TENM2: variants seen among roughly 807,000 people sequenced by gnomAD.
TENM2 encodes the protein teneurin transmembrane protein 2, also known as teneurin-2.
A neutral mutation model predicts 245.2 loss-of-function variants in TENM2; 52 were observed. The observed-to-expected ratio is 0.21, with a 90% confidence interval of 0.17 to 0.27. The LOEUF is 0.27. TENM2 is among the 10% of genes least tolerant of loss of function. TENM2 has a pLI of 1.00. For synonymous variants in TENM2, 1,363 were observed against 1,438.9 expected, an observed-to-expected ratio of 0.95 and a Z score of 1.19; for missense variants, 3,046 against 3,666.8, an observed-to-expected ratio of 0.83 and a Z score of 4.37.
intron 1 of TENM2, among the ~76,000 whole-genome samples, chr5:167,366,712 C>G (rs918164928): frequency 6.6e-6 from 1 of 152,112 alleles, no homozygotes; most frequent in African/African-American, 2.4e-5. Flanking sequence ...CAGTGCTTGA[C>G]ACATTTTGAA....
chr5:168,058,920 C>CA (rs796133366), intron 6 of TENM2, among the ~76,000 whole-genome samples: 28 of 150,168 alleles, frequency 1.9e-4, no homozygotes, highest in African/African-American at 4.4e-4. Flanking sequence ...TCCCATTTTA[C>CA]AAAAAAAAAG....
At chr5:167,018,810 A>G in the TENM2 span, among the ~76,000 whole-genome samples, 4 of 152,360 alleles carry the variant, frequency 2.6e-5, no homozygotes, top group Non-Finnish European at 4.4e-5. Flanking sequence ...GAGAAAAGGC[A>G]ATCAAGCGGA....
chr5:167,311,425 A>G (rs866563592), intron 1 of TENM2, among the ~76,000 whole-genome samples: 4 of 152,106 alleles, frequency 2.6e-5, no homozygotes, highest in Non-Finnish European at 2.9e-5. Context: ...TCAAAATTGG[A>G]ATTATATGTG....
chr5:167,398,189 AGAAATTTTGG>A (rs1440673687), intron 2 of TENM2, among the ~76,000 whole-genome samples: 1 of 152,172 alleles, frequency 6.6e-6, no homozygotes, highest in Non-Finnish European at 1.5e-5. Flanking sequence ...GCTATAGTGC[AGAAATTTTGG>A]AGTCAGATAG....
chr5:168,100,139 G>C (rs1213086857), intron 9 of TENM2, among the ~76,000 whole-genome samples: 3 of 152,074 alleles, frequency 2.0e-5, no homozygotes, highest in Non-Finnish European at 2.9e-5. Flanking sequence ...GAGACGATGG[G>C]GTTTTCCAAA....
At chr5:167,439,113 G>A (rs908684841) in intron 2 of TENM2, among the ~76,000 whole-genome samples, 17 of 152,164 alleles carry the variant, frequency 1.1e-4, no homozygotes, top group African/African-American at 3.4e-4. Flanking sequence ...TTACACATAT[G>A]CCATGTGAGA....
At position 168,255,679 on chromosome 5, in the gene TENM2, C is replaced by T. The variant is rs117622717; in HGVS notation, c.7433-4604C>T. On this transcript the variant is annotated intron_variant, in intron 27 of 28. Coordinates refer to ENST00000518659, the Ensembl canonical transcript of TENM2. Reference sequence around the variant, plus strand: ...CTCCCTCAGTGGCAGGTAACAAAATCAAGTACTCTAATTTAATTGCTTGAC... The same window carrying T: ...CTCCCTCAGTGGCAGGTAACAAAATTAAGTACTCTAATTTAATTGCTTGAC... 6.2e-3 allele frequency among the ~76,000 whole-genome samples: 942 copies of T among 152,242 alleles called. 32 individuals are homozygous for T. In the East Asian group the frequency reaches 0.077, roughly 12 times the overall value.
chr5:168,235,973 C>T (rs141998789), intron 25 of TENM2, among the ~76,000 whole-genome samples: 276 of 152,232 alleles, frequency 1.8e-3, no homozygotes, highest in African/African-American at 6.5e-3. Context: ...GGGGGAAAAG[C>T]CTCTATGCTA....
chr5:167,844,656 G>A (rs1769862119), intron 2 of TENM2, among the ~76,000 whole-genome samples: 2 of 152,120 alleles, frequency 1.3e-5, no homozygotes. Flanking sequence ...CTGAAATATA[G>A]CAAATTACTT....
intron 2 of TENM2, among the ~76,000 whole-genome samples, chr5:167,488,539 T>C (rs1768226845): frequency 6.6e-6 from 1 of 152,198 alleles, no homozygotes; most frequent in Admixed American, 6.5e-5. Context: ...CGTGACTCAT[T>C]AACTACTGTT....
At chr5:167,714,425 G>A (rs913380508) in intron 2 of TENM2, among the ~76,000 whole-genome samples, 10 of 152,116 alleles carry the variant, frequency 6.6e-5, no homozygotes, top group African/African-American at 2.2e-4. Flanking sequence ...TGGGTCTGAT[G>A]TCTGCTAAGT....
At chr5:167,019,409 T>A in the TENM2 span, among the ~76,000 whole-genome samples, 1 of 152,172 alleles carries the variant, frequency 6.6e-6, no homozygotes, top group African/African-American at 2.4e-5. Context: ...GCTTGGCAAT[T>A]TGGACCTGTT....
exon 12 of TENM2, chr5:168,126,883 G>A: frequency 6.2e-7 from 1 of 1,608,602 alleles, no homozygotes; most frequent in East Asian, 2.2e-5. Flanking sequence ...CACGGGACCT[G>A]TAAAGATGGC....
chr5:168,211,374 C>T (rs776704545), intron 19 of TENM2, among the ~76,000 whole-genome samples: 13 of 152,254 alleles, frequency 8.5e-5, no homozygotes, highest in Non-Finnish European at 1.8e-4. Flanking sequence ...TCTACCACCA[C>T]ACTCCCAGTG....
In TENM2 at chr5:167,582,966, G is replaced by A. The variant is rs78557306; in HGVS notation, c.502+207493G>A. ...GTTGGAAAATGTATTAGAAAATTGT[G>A]ATTTATTTTATATATTAAGCTAAAA... On this transcript the variant is annotated intron_variant, in intron 2 of 28. Transcript: ENST00000518659. Among the ~76,000 whole-genome samples the A allele has an allele frequency of 2.2e-3, 334 of 152,200 alleles. 2 individuals are homozygous for A. The highest frequency in any genetic ancestry group is 6.4e-3 in the Admixed American group (98 of 15,278).
chr5:167,736,974 A>G (rs955427423), intron 2 of TENM2, among the ~76,000 whole-genome samples: 5 of 152,208 alleles, frequency 3.3e-5, no homozygotes, highest in African/African-American at 1.2e-4. Flanking sequence ...AAGTCTCCCT[A>G]CTGAATGGCA....
chr5:167,780,862 A>C (rs895971948), intron 2 of TENM2, among the ~76,000 whole-genome samples: 1 of 152,240 alleles, frequency 6.6e-6, no homozygotes, highest in Non-Finnish European at 1.5e-5. Flanking sequence ...GCAAATACTG[A>C]GACCCAACTA....
chr5:167,513,774 G>A (rs995045623), intron 2 of TENM2, among the ~76,000 whole-genome samples: 4 of 152,100 alleles, frequency 2.6e-5, no homozygotes, highest in Admixed American at 2.6e-4. Context: ...CCTAGACATC[G>A]AGGAGCCACT....
chr5:167,833,881 T>C (rs907992135), intron 2 of TENM2, among the ~76,000 whole-genome samples: 1 of 152,226 alleles, frequency 6.6e-6, no homozygotes, highest in African/African-American at 2.4e-5. Context: ...TTGCTCTCAT[T>C]TCCTACAGAC....
Sources: allele counts gnomAD v4.1 joint callset (sites outside exome capture counted in the v4.1 genomes callset), GRCh38; gene constraint gnomAD v4.1.1; transcripts MANE v1.5; gene names NCBI Gene and HGNC (gene_info 2026-07-23, HGNC 2026-07-21).